Variants in UACA observed in about 807,000 individuals in gnomAD.
The protein encoded by UACA is uveal autoantigen with coiled-coil domains and ankyrin repeats, also known as nuclear membrane binding protein.
UACA carries 112 observed loss-of-function variants against 160.5 expected under a neutral mutation model. That is an observed-to-expected ratio of 0.70 (90% CI 0.60 to 0.82). UACA has a LOEUF of 0.82. Ranked by LOEUF, UACA falls within the 40% of genes least tolerant of loss-of-function variation. UACA has a pLI of 0.00. For synonymous variants in UACA, 557 were observed against 568.4 expected (o/e 0.98, Z 0.29); for missense variants, 1,574 against 1,614.6 (o/e 0.97, Z 0.43).
chr15:70,763,447 T>C lies in UACA; in HGVS notation c.-40A>G, dbSNP rs944626576. ...TGGCCCCCGCGCGAACCTTAAAGGC[T>C]GCGGAGTGCCAGCGCGCAAGGAGTA... On this transcript the variant is annotated 5_prime_UTR_variant, in exon 1 of 19. Transcript: ENST00000322954. The C allele has an allele frequency of 1.6e-6, 2 of 1,283,164 alleles. No homozygotes were observed. Among genetic ancestry groups the C allele is most frequent in the Non-Finnish European group, 2.0e-6 (2 of 1,006,030 alleles). 79.5% of individuals were successfully genotyped at this position (1,283,164 alleles called of 1,614,324 possible).
intron 1 of UACA, among the ~76,000 whole-genome samples, chr15:70,740,341 C>T (rs1053260714): frequency 6.6e-6 from 1 of 151,914 alleles, no homozygotes; most frequent in Non-Finnish European, 1.5e-5. Context: ...GGGCCAGGCA[C>T]AGTGGCTCAC....
At chr15:70,666,605 G>T in intron 16 of UACA, 119 bp downstream of exon 16, 3 of 782,516 alleles carry the variant, frequency 3.8e-6, no homozygotes, top group Non-Finnish European at 3.6e-6. Flanking sequence ...CACGCAAGTT[G>T]CTAAACTGGA....
intron 9 of UACA, chr15:70,681,614 G>A (rs1897509162): frequency 6.6e-6 from 1 of 151,958 alleles, no homozygotes; most frequent in Non-Finnish European, 1.5e-5. Flanking sequence ...GTGTGAGATG[G>A]CTAGTACAGT....
intron 1 of UACA, among the ~76,000 whole-genome samples, chr15:70,714,076 T>C (rs1176198317): frequency 1.3e-5 from 2 of 152,174 alleles, no homozygotes; most frequent in Admixed American, 6.5e-5. Context: ...CAGGCTTCTA[T>C]AGTACCCTAT....
At chr15:70,705,183 CAT>C (rs1898488515) in intron 1 of UACA, among the ~76,000 whole-genome samples, 1 of 152,070 alleles carries the variant, frequency 6.6e-6, no homozygotes, top group African/African-American at 2.4e-5. Context: ...CTTCTCAAGG[CAT>C]ATTTAGTTTG....
intron 10 of UACA, 44 bp downstream of exon 10, chr15:70,679,564 G>A (rs777168493): frequency 6.0e-6 from 8 of 1,338,662 alleles, no homozygotes; most frequent in Non-Finnish European, 8.4e-6. Context: ...TACAAATACT[G>A]GAATTGTTTT....
Position 70,664,730 on chromosome 15 carries a change from T to G in UACA, c.4045A>C (p.Thr1349Pro). The G allele has an allele frequency of 1.2e-6, 2 of 1,613,708 alleles. No individual in the cohort carries two copies. The highest frequency in any genetic ancestry group is 2.2e-5 in the South Asian group (2 of 91,054). Residue 1349 changes from threonine to proline, a missense_variant, in exon 17 of 19, where the codon ACC (threonine) becomes CCC (proline). Coordinates refer to ENST00000322954, the MANE Select transcript of UACA (RefSeq NM_018003.4). ...SQLTYTSGNP[T>P]KRQSQLIDTL... ...TCAATCAGCTGGCTCTGCCTCTTGG[T>G]GGGGTTCCCACTTGTGTAGGTGAGT...
At chr15:70,736,615 A>T (rs544127323) in intron 1 of UACA, among the ~76,000 whole-genome samples, 2 of 152,078 alleles carry the variant, frequency 1.3e-5, no homozygotes, top group South Asian at 4.2e-4. Context: ...TTATATATAT[A>T]TTTTTAGTAG....
chr15:70,770,489 T>G, the UACA span, among the ~76,000 whole-genome samples: 8 of 152,214 alleles, frequency 5.3e-5, no homozygotes, highest in Admixed American at 1.3e-4. Flanking sequence ...AATGAATCAG[T>G]GTATACTTTC....
intron 1 of UACA, among the ~76,000 whole-genome samples, chr15:70,762,816 C>T (rs1371995636): frequency 6.6e-6 from 1 of 152,254 alleles, no homozygotes; most frequent in Non-Finnish European, 1.5e-5. Flanking sequence ...CCCGGCAGGG[C>T]TTGACGCTGT....
At chr15:70,755,091 T>C (rs1231629565) in intron 1 of UACA, among the ~76,000 whole-genome samples, 6 of 152,184 alleles carry the variant, frequency 3.9e-5, no homozygotes, top group African/African-American at 1.4e-4. Flanking sequence ...ACAGTAAAAG[T>C]TTCCATATGA....
intron 1 of UACA, among the ~76,000 whole-genome samples, chr15:70,717,576 C>T (rs1022834146): frequency 2.0e-5 from 3 of 152,192 alleles, no homozygotes; most frequent in Non-Finnish European, 4.4e-5. Context: ...CAGGTACTCA[C>T]TGAACTTTGG....
Position 70,754,290 on chromosome 15 carries a change from C to CTTCTGCTG in UACA, c.78+9039_78+9040insCAGCAGAA. The CTTCTGCTG allele has an allele frequency of 8.6e-6, 3 of 350,022 alleles. No individual in the cohort carries two copies. The East Asian group carries it at 2.6e-4, about 30-fold the overall frequency. 21.7% of individuals were successfully genotyped at this position (350,022 alleles called of 1,614,324 possible). A position where few individuals can be genotyped will look rare whatever the true frequency, so the allele number is the denominator to read the frequency against. ...TGACTTTACAACAGTACAAAAGCTA[C>CTTCTGCTG]ATGCATTCAGCAGAAACTGTATGTA... On this transcript the variant is annotated intron_variant, in intron 1 of 18. Transcript: ENST00000322954.
intron 10 of UACA, among the ~76,000 whole-genome samples, chr15:70,678,911 A>AATACT (rs1400112741): frequency 6.6e-6 from 1 of 152,190 alleles, no homozygotes; most frequent in Non-Finnish European, 1.5e-5. Flanking sequence ...GATCATTTTT[A>AATACT]ATACTATAAT....
chr15:70,719,687 C>CA (rs1423315138), intron 1 of UACA, among the ~76,000 whole-genome samples: 7 of 152,112 alleles, frequency 4.6e-5, no homozygotes, highest in African/African-American at 1.7e-4. Context: ...ACCCTTATAA[C>CA]ACTCCCTGAC....
Position 70,660,213 on chromosome 15 carries a change from C to T in UACA, c.4117G>A (p.Ala1373Thr). Residue 1373 changes from alanine (A) to threonine (T), a missense_variant, in exon 18 of 19, where the codon GCT becomes ACT. By Grantham distance (58) the Ala-to-Thr change is moderately conservative. Coordinates refer to ENST00000322954, the MANE Select transcript of UACA (RefSeq NM_018003.4). ...ATTACTTCTTGGTGCTGTCTGTCAGCATCCTAGAAATGTGGAAAGATGGAC... is the reference window on the plus strand; with the variant it reads ...ATTACTTCTTGGTGCTGTCTGTCAGTATCCTAGAAATGTGGAAAGATGGAC... ...VKSLEQQLAD[A>T]DRQHQEVIAI... 1 of 1,613,486 alleles carries T rather than the reference C, an allele frequency of 6.2e-7. No individual in the cohort carries two copies. The highest frequency in any genetic ancestry group is 8.5e-7 in the Non-Finnish European group (1 of 1,179,582).
chr15:70,705,524 G>C (rs573631476), intron 1 of UACA, among the ~76,000 whole-genome samples: 1 of 151,748 alleles, frequency 6.6e-6, no homozygotes, highest in South Asian at 2.1e-4. Flanking sequence ...CAACAAGAGC[G>C]AAACTCCATC....
chr15:70,776,425 C>CTTT, the UACA span, among the ~76,000 whole-genome samples: 12 of 125,312 alleles, frequency 9.6e-5, no homozygotes, highest in Non-Finnish European at 1.3e-4. Flanking sequence ...CCTCAAATGT[C>CTTT]TTTTTTTTTT....
intron 1 of UACA, chr15:70,758,296 T>C (rs2030548139): frequency 6.6e-6 from 1 of 152,152 alleles, no homozygotes; most frequent in Admixed American, 6.5e-5. Flanking sequence ...TTTATTGTAA[T>C]CCTCCTTCAA....
Sources: allele counts gnomAD v4.1 joint callset (sites outside exome capture counted in the v4.1 genomes callset), GRCh38; gene constraint gnomAD v4.1.1; transcripts MANE v1.5; gene names NCBI Gene and HGNC (gene_info 2026-07-23, HGNC 2026-07-21).